Variants in ADAM12 observed in about 807,000 individuals in gnomAD.
ADAM12 encodes the protein ADAM metallopeptidase domain 12.
Under a neutral mutation model 106.4 loss-of-function variants are expected in ADAM12, and 70 were observed. The observed-to-expected ratio is 0.66, with a 90% CI of 0.54 to 0.80. The LOEUF is 0.80. Among genes scored for constraint, ADAM12 ranks in the 30% least tolerant of loss-of-function variants. The pLI is 0.00. For missense variants in ADAM12, 1,010 were observed against 1,171.9 expected, an observed-to-expected ratio of 0.86 and a Z score of 2.02; for synonymous variants, 420 against 433.5, an observed-to-expected ratio of 0.97 and a Z score of 0.39.
chr10:126,091,272 T>C (rs947413947), intron 11 of ADAM12, among the ~76,000 whole-genome samples: 1 of 152,234 alleles, frequency 6.6e-6, no homozygotes, highest in African/African-American at 2.4e-5. Flanking sequence ...TCCCACTCTC[T>C]CGGAGACACT....
At position 126,053,435 on chromosome 10, in the gene ADAM12, A is replaced by T. The variant is rs529186740; in HGVS notation, c.1610-3766T>A. 3.5e-4 allele frequency among the ~76,000 whole-genome samples: 54 copies of T among 152,298 alleles called. 1 individual carries two copies. Among genetic ancestry groups the T allele is most frequent in the Non-Finnish European group, 1.9e-4 (13 of 68,022 alleles). ...CCTTGTTTACCAATAACGCAGAAGC[A>T]TGGTACACGCCCCAGCAGAAGGCCA... On this transcript the variant is annotated intron_variant, in intron 14 of 22. Coordinates refer to ENST00000448723, the MANE Select transcript of ADAM12 (RefSeq NM_001288973.2). The surrounding 1 kb of genome is among the most constrained non-coding windows in gnomAD (Gnocchi z 4.6).
intron 3 of ADAM12, among the ~76,000 whole-genome samples, chr10:126,269,508 G>A (rs547744349): frequency 2.9e-3 from 445 of 152,248 alleles, no homozygotes; most frequent in Non-Finnish European, 4.2e-3. Context: ...GAAGAGACAG[G>A]CCATAACGAC....
At chr10:126,383,805 C>G (rs1856567797) in intron 1 of ADAM12, among the ~76,000 whole-genome samples, 1 of 152,162 alleles carries the variant, frequency 6.6e-6, no homozygotes, top group Admixed American at 6.5e-5. Flanking sequence ...ATATTTTATA[C>G]AAGGTATGCC....
chr10:126,330,347 C>G (rs1343680110), intron 2 of ADAM12, 65 bp downstream of exon 2: 4 of 1,327,450 alleles, frequency 3.0e-6, no homozygotes, highest in Non-Finnish European at 4.2e-6. Flanking sequence ...GAGAGAATAC[C>G]AAAGCAGCTA....
At chr10:126,152,199 T>A (rs1590510280) in intron 4 of ADAM12, among the ~76,000 whole-genome samples, 1 of 152,068 alleles carries the variant, frequency 6.6e-6, no homozygotes, top group East Asian at 1.9e-4. Flanking sequence ...AATTGTAAAA[T>A]GCTGTCAGTA....
At chr10:126,285,975 A>AT (rs55733951) in intron 2 of ADAM12, among the ~76,000 whole-genome samples, 29 of 142,196 alleles carry the variant, frequency 2.0e-4, no homozygotes, top group African/African-American at 7.3e-4. Flanking sequence ...TGATTTCCCT[A>AT]TTTTTTTTTT....
intron 2 of ADAM12, among the ~76,000 whole-genome samples, chr10:126,306,870 T>G (rs2133808795): frequency 6.6e-6 from 1 of 152,328 alleles, no homozygotes; most frequent in East Asian, 1.9e-4. Flanking sequence ...TAATTGGGGC[T>G]AAATGAGTTT....
At chr10:126,118,651 T>G (rs2133623007) in intron 5 of ADAM12, among the ~76,000 whole-genome samples, 1 of 152,324 alleles carries the variant, frequency 6.6e-6, no homozygotes, top group South Asian at 2.1e-4. Context: ...TACAGTAGCC[T>G]TTGGTTACGT....
chr10:126,214,056 G>C (rs1262582679), intron 3 of ADAM12, among the ~76,000 whole-genome samples: 1 of 152,164 alleles, frequency 6.6e-6, no homozygotes, highest in Non-Finnish European at 1.5e-5. Flanking sequence ...CTAAAATCAG[G>C]ACACTGGAAA....
intron 3 of ADAM12, among the ~76,000 whole-genome samples, chr10:126,226,360 C>T (rs974495101): frequency 5.9e-5 from 9 of 152,210 alleles, no homozygotes; most frequent in Non-Finnish European, 1.3e-4. Flanking sequence ...CTGGTGGGCA[C>T]ATGCCTTGCC....
intron 3 of ADAM12, among the ~76,000 whole-genome samples, chr10:126,239,710 T>TTTTGATCACAAA (rs1457184628): frequency 6.6e-6 from 1 of 152,220 alleles, no homozygotes; most frequent in African/African-American, 2.4e-5. Flanking sequence ...GTTTGCAACT[T>TTTTGATCACAAA]TTTGATCACA....
At chr10:126,376,430 G>T (rs1856295305) in intron 1 of ADAM12, among the ~76,000 whole-genome samples, 1 of 152,130 alleles carries the variant, frequency 6.6e-6, no homozygotes, top group East Asian at 1.9e-4. Flanking sequence ...TAGAAACACA[G>T]GTATTGATTG....
intron 3 of ADAM12, among the ~76,000 whole-genome samples, chr10:126,232,158 A>G (rs3858313): frequency 0.42 from 63,926 of 151,792 alleles, 14,808 homozygotes; most frequent in Non-Finnish European, 0.53. Flanking sequence ...ATGTGATTAC[A>G]TGAAGGAGCT....
In ADAM12 at chr10:126,094,592, A is replaced by C. The variant is rs116436967; in HGVS notation, c.997-459T>G. 9.2e-3 allele frequency among the ~76,000 whole-genome samples: 1,409 copies of C among 152,326 alleles called. 22 individuals carry two copies. Among genetic ancestry groups the C allele is most frequent in the African/African-American group, 0.032 (1,344 of 41,570 alleles). ...GTGCAAGCACGCTTAATGACATTCT[A>C]AATGAGCCCTGAGAGGTTGTCATTG... On this transcript the variant is annotated intron_variant, in intron 10 of 22. Coordinates refer to ENST00000448723, the MANE Select transcript of ADAM12 (RefSeq NM_001288973.2).
At chr10:126,128,895 T>A in intron 5 of ADAM12, among the ~76,000 whole-genome samples, 1 of 149,230 alleles carries the variant, frequency 6.7e-6, no homozygotes, top group Non-Finnish European at 1.5e-5. Context: ...CGTGTGGGAA[T>A]GTGTGCAAGT....
chr10:126,149,406 C>T (rs1237034156), intron 4 of ADAM12, among the ~76,000 whole-genome samples: 1 of 152,132 alleles, frequency 6.6e-6, no homozygotes, highest in African/African-American at 2.4e-5. Flanking sequence ...TGCATTTTTC[C>T]TCCCAAGTGA....
Position 126,109,756 on chromosome 10 carries a change from A to C in ADAM12, c.669+19T>G. The C allele has an allele frequency of 1.2e-6, 2 of 1,605,880 alleles. No individual in the cohort carries two copies. Among genetic ancestry groups the C allele is most frequent in the Non-Finnish European group, 1.7e-6 (2 of 1,177,374 alleles). ...TTATCTCTAACCAACCATACTGAGAAATTTTAAAAAGTTCTTACCTCTCGG... is the reference window on the plus strand; with the variant it reads ...TTATCTCTAACCAACCATACTGAGACATTTTAAAAAGTTCTTACCTCTCGG... On this transcript the variant is annotated intron_variant, in intron 7 of 22. Transcript: ENST00000448723.
chr10:126,063,739 G>T (rs1030689958), intron 14 of ADAM12, among the ~76,000 whole-genome samples: 2 of 152,190 alleles, frequency 1.3e-5, no homozygotes, highest in African/African-American at 4.8e-5. Flanking sequence ...TGGATTTCAC[G>T]GTTGGACTCC....
intron 8 of ADAM12, among the ~76,000 whole-genome samples, chr10:126,105,305 A>G (rs1346110645): frequency 1.3e-5 from 2 of 152,216 alleles, no homozygotes; most frequent in Non-Finnish European, 2.9e-5. Context: ...ACCCAAACAC[A>G]TCCCTTTTTT....
Sources: allele counts gnomAD v4.1 joint callset (sites outside exome capture counted in the v4.1 genomes callset), GRCh38; gene constraint gnomAD v4.1.1; non-coding constraint Gnocchi (gnomAD v3.1); transcripts MANE v1.5; gene names NCBI Gene and HGNC (gene_info 2026-07-23, HGNC 2026-07-21).